PPFIA2: variants seen among roughly 807,000 people sequenced by gnomAD.
The protein encoded by PPFIA2 is PPFI scaffold protein A2.
Under a neutral mutation model 175.5 loss-of-function variants are expected in PPFIA2, and 46 were observed. The observed-to-expected ratio is 0.26, with a 90% CI of 0.21 to 0.34. The LOEUF is 0.34. Among genes scored for constraint, PPFIA2 ranks in the 10% least tolerant of loss-of-function variants. The pLI, the probability that PPFIA2 is intolerant of heterozygous loss-of-function variation, is 1.00. For missense variants in PPFIA2, 1,179 were observed against 1,506.1 expected (o/e 0.78, Z 3.60); for synonymous variants, 568 against 511.4 (o/e 1.11, Z -1.49).
chr12:81,644,008 C>A (rs185288326), intron 4 of PPFIA2, among the ~76,000 whole-genome samples: 6 of 152,044 alleles, frequency 3.9e-5, no homozygotes, highest in Admixed American at 1.3e-4. Flanking sequence ...TTTAAAAGAA[C>A]CAGCACCTTG....
intron 3 of PPFIA2, among the ~76,000 whole-genome samples, chr12:81,741,685 A>G (rs1356778520): frequency 6.7e-6 from 1 of 150,076 alleles, no homozygotes; most frequent in Non-Finnish European, 1.5e-5. Context: ...ATTGCATTTT[A>G]TGTGTGGCCC....
chr12:81,301,929 T>C (rs548189186), intron 22 of PPFIA2, among the ~76,000 whole-genome samples: 2 of 152,302 alleles, frequency 1.3e-5, no homozygotes, highest in South Asian at 2.1e-4. Flanking sequence ...CCTTCTAACA[T>C]AGTATATTAT....
intron 17 of PPFIA2, among the ~76,000 whole-genome samples, chr12:81,351,508 A>G (rs1025654054): frequency 5.3e-5 from 8 of 152,086 alleles, no homozygotes; most frequent in African/African-American, 1.9e-4. Flanking sequence ...AAACTCTATA[A>G]GAATTGTGTC....
At chr12:81,640,823 C>T (rs530386096) in intron 4 of PPFIA2, among the ~76,000 whole-genome samples, 2 of 152,114 alleles carry the variant, frequency 1.3e-5, no homozygotes, top group Non-Finnish European at 2.9e-5. Flanking sequence ...TGCATTATTT[C>T]ATAATGCTCC....
intron 3 of PPFIA2, among the ~76,000 whole-genome samples, chr12:81,730,571 T>C (rs1480493816): frequency 6.6e-6 from 1 of 151,508 alleles, no homozygotes; most frequent in Non-Finnish European, 1.5e-5. Flanking sequence ...CTCAACCTGG[T>C]CCCACCCTTG....
At chr12:81,556,523 C>T (rs2068888234) in intron 4 of PPFIA2, among the ~76,000 whole-genome samples, 1 of 151,816 alleles carries the variant, frequency 6.6e-6, no homozygotes, top group Non-Finnish European at 1.5e-5. Context: ...ACTTAATAGG[C>T]TATCTTACAA....
chr12:81,262,048 T>A lies in PPFIA2; in HGVS notation c.3716-8A>T. On this transcript the variant is annotated splice_polypyrimidine_tract_variant and splice_region_variant and intron_variant, in intron 31 of 32. Coordinates refer to ENST00000549396, the MANE Select transcript of PPFIA2 (RefSeq NM_003625.5). ...GCAGTCTTGATGAAGCAACTGCAAA[T>A]GGAGAAAAGGGCTTTAGAGGGACTT... 1.3e-6 allele frequency: 2 copies of A among 1,573,750 alleles called. No individual in the cohort carries two copies. Among genetic ancestry groups the A allele is most frequent in the Non-Finnish European group, 1.7e-6 (2 of 1,148,016 alleles).
At chr12:81,722,052 C>T (rs1239052785) in intron 3 of PPFIA2, among the ~76,000 whole-genome samples, 3 of 150,288 alleles carry the variant, frequency 2.0e-5, no homozygotes, top group Non-Finnish European at 4.5e-5. Context: ...TTATTAGTGT[C>T]CAGGAAAAAA....
intron 7 of PPFIA2, 96 bp from the exon 8 acceptor site, chr12:81,405,999 CACTA>C: frequency 3.2e-6 from 2 of 618,074 alleles, no homozygotes; most frequent in Non-Finnish European, 2.8e-6. Context: ...AACTAATGAA[CACTA>C]ACAAATAACC....
chr12:81,466,758 G>A lies in PPFIA2; in HGVS notation c.304-8892C>T, dbSNP rs2055714605. On this transcript the variant is annotated intron_variant, in intron 4 of 32. Coordinates refer to ENST00000549396, the MANE Select transcript of PPFIA2 (RefSeq NM_003625.5). ...GGAACGTATTTGGAGGCAAGGTAGG[G>A]TTTTCTCAGTATCCCCACAATGGCT... 2.6e-5 allele frequency among the ~76,000 whole-genome samples: 4 copies of A among 151,760 alleles called. No homozygotes were observed. In the South Asian group the frequency reaches 8.3e-4, roughly 32 times the overall value.
intron 4 of PPFIA2, among the ~76,000 whole-genome samples, chr12:81,476,027 A>C (rs969028835): frequency 6.6e-6 from 1 of 152,204 alleles, no homozygotes; most frequent in Non-Finnish European, 1.5e-5. Context: ...TTAATGGTCA[A>C]ACTGATGTCT....
intron 3 of PPFIA2, among the ~76,000 whole-genome samples, chr12:81,717,462 T>C (rs2078777578): frequency 6.6e-6 from 1 of 151,664 alleles, no homozygotes; most frequent in South Asian, 2.1e-4. Context: ...AGCCTCTTTT[T>C]AATTGAATTG....
At chr12:81,566,846 A>G (rs1406142253) in intron 4 of PPFIA2, among the ~76,000 whole-genome samples, 1 of 152,200 alleles carries the variant, frequency 6.6e-6, no homozygotes, top group Admixed American at 6.5e-5. Context: ...ACACTTTCTC[A>G]TATATCTATG....
At chr12:81,312,797 T>A (rs2051263752) in intron 22 of PPFIA2, among the ~76,000 whole-genome samples, 1 of 152,208 alleles carries the variant, frequency 6.6e-6, no homozygotes, top group Non-Finnish European at 1.5e-5. Flanking sequence ...TCCAGATCCA[T>A]AATGTTATTA....
intron 4 of PPFIA2, among the ~76,000 whole-genome samples, chr12:81,646,774 G>T (rs762341688): frequency 9.3e-4 from 141 of 152,172 alleles, no homozygotes; most frequent in East Asian, 7.8e-4. Context: ...GTGAGATAAA[G>T]GGGAGTGGAC....
chr12:81,379,323 G>C (rs2046300737), intron 9 of PPFIA2, among the ~76,000 whole-genome samples: 1 of 152,066 alleles, frequency 6.6e-6, no homozygotes, highest in South Asian at 2.1e-4. Context: ...ATTGGATTTT[G>C]TTCATATTTA....
At chr12:81,676,876 G>C (rs762704876) in intron 3 of PPFIA2, 32 bp from the exon 4 acceptor site, 2 of 1,501,410 alleles carry the variant, frequency 1.3e-6, no homozygotes, top group Non-Finnish European at 1.8e-6. Context: ...ATTGTAAAGT[G>C]CTACTCAACA....
At chr12:81,646,445 T>G (rs2066091750) in intron 4 of PPFIA2, among the ~76,000 whole-genome samples, 1 of 152,122 alleles carries the variant, frequency 6.6e-6, no homozygotes, top group South Asian at 2.1e-4. Flanking sequence ...ATCTCCCCTT[T>G]CCTTTGCTCC....
At chr12:81,598,021 C>A (rs1453402392) in intron 4 of PPFIA2, 1 of 1,534,900 alleles carries the variant, frequency 6.5e-7, no homozygotes. Flanking sequence ...TGTTCATATC[C>A]GAGAAAATCA....
Sources: gnomAD v4.1 joint callset for allele counts (sites outside exome capture counted in the v4.1 genomes callset) on GRCh38, gnomAD v4.1.1 for gene constraint, MANE v1.5 for transcripts, NCBI Gene and HGNC (gene_info 2026-07-23, HGNC 2026-07-21) for gene names.